SRGAP1: variants seen among roughly 807,000 people sequenced by gnomAD.
The protein encoded by SRGAP1 is SLIT-ROBO Rho GTPase activating protein 1.
A neutral mutation model predicts 121.9 loss-of-function variants in SRGAP1; 43 were observed. That is an observed-to-expected ratio of 0.35 (90% CI 0.28 to 0.46). The LOEUF is 0.46. Among genes scored for constraint, SRGAP1 ranks in the 20% least tolerant of loss-of-function variants. The pLI is 1.00. For missense variants in SRGAP1, 1,102 were observed against 1,350.9 expected, an observed-to-expected ratio of 0.82 and a Z score of 2.89; for synonymous variants, 447 against 485.4, an observed-to-expected ratio of 0.92 and a Z score of 1.04.
chr12:63,913,191 CTTCTTTTTTTTTT>C (rs2030594097), intron 1 of SRGAP1, among the ~76,000 whole-genome samples: 2 of 111,810 alleles, frequency 1.8e-5, no homozygotes, highest in Non-Finnish European at 1.8e-5. Context: ...CTGGTAAATC[CTTCTTTTTTTTTT>C]TTTTTTTTTT....
intron 1 of SRGAP1, among the ~76,000 whole-genome samples, chr12:63,967,069 T>A (rs1163560526): frequency 1.3e-5 from 2 of 152,250 alleles, no homozygotes; most frequent in Admixed American, 6.5e-5. Context: ...GGAAGTTTGA[T>A]ATTTATTTTA....
rs534854953 is a variant in SRGAP1 at position 63,918,166 on chromosome 12, C to T, written c.68-65781C>T. ...GCTATGTCCTTGAGCAATAAAAAGCCGCTTTTTATGAGGAAATTACACTGT... is the reference window on the plus strand; with the variant it reads ...GCTATGTCCTTGAGCAATAAAAAGCTGCTTTTTATGAGGAAATTACACTGT... On this transcript the variant is annotated intron_variant, in intron 1 of 21. Coordinates refer to ENST00000355086, the MANE Select transcript of SRGAP1 (RefSeq NM_020762.4). Among the ~76,000 whole-genome samples, 6 of 152,158 alleles carry T rather than the reference C, an allele frequency of 3.9e-5. No homozygotes were observed. In the East Asian group the frequency reaches 5.8e-4, roughly 15 times the overall value.
At chr12:63,990,265 A>G (rs901441818) in intron 3 of SRGAP1, among the ~76,000 whole-genome samples, 193 bp downstream of exon 3, 9 of 152,174 alleles carry the variant, frequency 5.9e-5, no homozygotes, top group African/African-American at 2.2e-4. Context: ...CGGGCGTGGT[A>G]GCTCATGCCT....
chr12:64,041,127 C>G (rs2035010575), intron 4 of SRGAP1, among the ~76,000 whole-genome samples: 1 of 151,938 alleles, frequency 6.6e-6, no homozygotes, highest in Non-Finnish European at 1.5e-5. Context: ...TTTAACACAA[C>G]TTTATAAAGC....
intron 1 of SRGAP1, among the ~76,000 whole-genome samples, chr12:63,978,551 G>A (rs931708828): frequency 1.6e-4 from 25 of 152,076 alleles, no homozygotes; most frequent in African/African-American, 6.0e-4. Context: ...CCTTTTTATG[G>A]CTAAACAGTA....
intron 8 of SRGAP1, among the ~76,000 whole-genome samples, chr12:64,072,676 CA>C (rs1285943118): frequency 1.3e-5 from 2 of 152,118 alleles, no homozygotes; most frequent in Non-Finnish European, 2.9e-5. Flanking sequence ...CCCTGCAAAC[CA>C]ACACCTCGAT....
At chr12:64,029,586 G>A (rs370526758) in intron 4 of SRGAP1, among the ~76,000 whole-genome samples, 6 of 152,156 alleles carry the variant, frequency 3.9e-5, no homozygotes, top group East Asian at 3.9e-4. Flanking sequence ...GATGGGAAAA[G>A]CGTTCCAAAA....
chr12:64,145,457 G>A lies in SRGAP1; in HGVS notation c.*2785G>A, dbSNP rs2037037035. The A allele has an allele frequency of 6.6e-6, 1 of 152,218 alleles. No individual in the cohort carries two copies. The highest frequency in any genetic ancestry group is 2.4e-5 in the African/African-American group (1 of 41,434). 9.4% of individuals were successfully genotyped at this position (152,218 alleles called of 1,614,324 possible). A position where few individuals can be genotyped will look rare whatever the true frequency, so the allele number is the denominator to read the frequency against. On this transcript the variant is annotated 3_prime_UTR_variant, in exon 22 of 22. Coordinates refer to ENST00000355086, the MANE Select transcript of SRGAP1 (RefSeq NM_020762.4). ...AGTCGTGCTGCTGCAGAGCCTCACA[G>A]GCTGTGCCTTGTTTCAGGAAACAGC...
chr12:63,866,947 C>T (rs1196905427), intron 1 of SRGAP1, among the ~76,000 whole-genome samples: 1 of 151,948 alleles, frequency 6.6e-6, no homozygotes, highest in Non-Finnish European at 1.5e-5. Flanking sequence ...TGGCTCACTG[C>T]AGCCTCAATC....
At chr12:63,916,179 A>G (rs893425874) in intron 1 of SRGAP1, among the ~76,000 whole-genome samples, 1 of 151,756 alleles carries the variant, frequency 6.6e-6, no homozygotes, top group Non-Finnish European at 1.5e-5. Context: ...ACCACAAGGC[A>G]TGTGCCACCA....
chr12:64,026,554 G>A (rs982093089), intron 4 of SRGAP1, among the ~76,000 whole-genome samples: 1 of 152,050 alleles, frequency 6.6e-6, no homozygotes, highest in Admixed American at 6.6e-5. Flanking sequence ...TTTGGGGACC[G>A]AAATGGACCT....
At chr12:64,135,118 T>A (rs1400681135) in intron 21 of SRGAP1, among the ~76,000 whole-genome samples, 1 of 152,162 alleles carries the variant, frequency 6.6e-6, no homozygotes, top group Admixed American at 6.5e-5. Flanking sequence ...TTGCCGCTAC[T>A]GGGGATAGGG....
chr12:63,906,657 A>T (rs2030228431), intron 1 of SRGAP1, among the ~76,000 whole-genome samples: 1 of 152,120 alleles, frequency 6.6e-6, no homozygotes, highest in Non-Finnish European at 1.5e-5. Context: ...TGGATATTAG[A>T]TTATTTTCAG....
At chr12:63,862,010 A>C (rs1899471456) in intron 1 of SRGAP1, among the ~76,000 whole-genome samples, 1 of 152,062 alleles carries the variant, frequency 6.6e-6, no homozygotes, top group Non-Finnish European at 1.5e-5. Context: ...AATCCCAGCT[A>C]CTCAGGAGGC....
At chr12:63,879,961 G>C (rs78198061) in intron 1 of SRGAP1, among the ~76,000 whole-genome samples, 4,104 of 152,186 alleles carry the variant, frequency 0.027, 85 homozygotes, top group African/African-American at 0.06. Context: ...AGCTGTGTGC[G>C]CACCCAAATC....
intron 21 of SRGAP1, among the ~76,000 whole-genome samples, chr12:64,139,524 C>T (rs1565698248): frequency 1.3e-5 from 2 of 151,962 alleles, no homozygotes; most frequent in African/African-American, 2.4e-5. Context: ...TGTTTCTTGG[C>T]TGCATAAATG....
rs58592474 is a variant in SRGAP1 at position 63,994,548 on chromosome 12, C to G, written c.426+4476C>G. ...TCCATGCCTCTCAAATCCCCCACAGCCATTTCACATGGAGCGCCTTACCTT... is the reference window on the plus strand; with the variant it reads ...TCCATGCCTCTCAAATCCCCCACAGGCATTTCACATGGAGCGCCTTACCTT... On this transcript the variant is annotated intron_variant, in intron 3 of 21. Transcript: ENST00000355086. 7.2e-3 allele frequency among the ~76,000 whole-genome samples: 1,098 copies of G among 152,248 alleles called. 20 individuals carry two copies. The highest frequency in any genetic ancestry group is 0.025 in the African/African-American group (1,039 of 41,548).
At chr12:64,078,844 G>T in intron 8 of SRGAP1, 75 bp from the exon 9 acceptor site, 1 of 1,482,800 alleles carries the variant, frequency 6.7e-7, no homozygotes, top group South Asian at 1.2e-5. Context: ...ATCTCTACCT[G>T]ACAGAGTGGA....
intron 1 of SRGAP1, among the ~76,000 whole-genome samples, chr12:63,923,848 A>G (rs1394965365): frequency 6.6e-6 from 1 of 152,216 alleles, no homozygotes; most frequent in African/African-American, 2.4e-5. Flanking sequence ...TGTGAACAAA[A>G]AGGTATGAGC....
Sources: gnomAD v4.1 joint callset for allele counts (sites outside exome capture counted in the v4.1 genomes callset) on GRCh38, gnomAD v4.1.1 for gene constraint, MANE v1.5 for transcripts, NCBI Gene and HGNC (gene_info 2026-07-23, HGNC 2026-07-21) for gene names.